DERA: variants seen among roughly 807,000 people sequenced by gnomAD.
DERA encodes the protein 2-deoxy-D-ribose 5-phosphate aldolase.
DERA carries 15 observed loss-of-function variants against 41.1 expected under a neutral mutation model. The observed-to-expected ratio is 0.37, with a 90% CI of 0.24 to 0.56. DERA has a LOEUF of 0.56. Ranked by LOEUF, DERA falls within the 20% of genes least tolerant of loss-of-function variation. The probability of loss-of-function intolerance (pLI) is 0.81; values close to 1 mark genes in which losing one functional copy is unlikely to be tolerated. For synonymous variants in DERA, 139 were observed against 137.4 expected, an observed-to-expected ratio of 1.01 and a Z score of -0.08; for missense variants, 396 against 403.4, an observed-to-expected ratio of 0.98 and a Z score of 0.16.
chr12:15,973,479 A>G (rs573451808), intron 5 of DERA, among the ~76,000 whole-genome samples: 2 of 111,490 alleles, frequency 1.8e-5, no homozygotes, highest in Non-Finnish European at 3.9e-5. Context: ...TCCAGTTTTC[A>G]TAATGTTTGA....
Position 16,008,956 on chromosome 12 carries a change from C to A in DERA, c.638-23586C>A, listed in dbSNP as rs1374742731. Reference sequence around the variant, plus strand: ...CTGATGTAGAGGCAGAAGTGCATAGCAGTTAAAAGCCTGGACTTTGAGTTA... The same window carrying A: ...CTGATGTAGAGGCAGAAGTGCATAGAAGTTAAAAGCCTGGACTTTGAGTTA... On this transcript the variant is annotated intron_variant, in intron 6 of 8. Coordinates refer to ENST00000428559, the MANE Select transcript of DERA (RefSeq NM_015954.4). This position sits in a 1 kb window ranked among gnomAD's most constrained non-coding sequence, Gnocchi z 4.8. 6.6e-6 allele frequency among the ~76,000 whole-genome samples: 1 copy of A among 152,186 alleles called. No individual in the cohort carries two copies. Among genetic ancestry groups the A allele is most frequent in the Non-Finnish European group, 1.5e-5 (1 of 68,040 alleles).
At chr12:15,947,656 T>G (rs1400998150) in intron 1 of DERA, among the ~76,000 whole-genome samples, 1 of 152,236 alleles carries the variant, frequency 6.6e-6, no homozygotes, top group Non-Finnish European at 1.5e-5. Context: ...TCTTGACTCT[T>G]TATCCAATTT....
intron 6 of DERA, among the ~76,000 whole-genome samples, chr12:16,029,625 C>A (rs1278443144): frequency 2.0e-5 from 3 of 151,718 alleles, no homozygotes; most frequent in Non-Finnish European, 4.4e-5. Context: ...TTGAGCTTCT[C>A]CTGTGTGTCG....
At position 16,003,690 on chromosome 12, in the gene DERA, A is replaced by G. The variant is rs184676361; in HGVS notation, c.637+21254A>G. On this transcript the variant is annotated intron_variant, in intron 6 of 8. Coordinates refer to ENST00000428559, the MANE Select transcript of DERA (RefSeq NM_015954.4). This position sits in a 1 kb window ranked among gnomAD's most constrained non-coding sequence, Gnocchi z 4.8. ...TTGCATTTGTTGGGGGAGCGCCAGG[A>G]AACAAGAGTGTCAATTTCTGGCTCA... 9.2e-5 allele frequency among the ~76,000 whole-genome samples: 14 copies of G among 152,272 alleles called. No individual in the cohort carries two copies. The East Asian group carries it at 2.7e-3, about 29-fold the overall frequency.
At position 15,976,317 on chromosome 12, in the gene DERA, A is replaced by G. The variant is rs1343226410; in HGVS notation, c.509-5991A>G. Among the ~76,000 whole-genome samples, 2 of 152,080 alleles carry G rather than the reference A, an allele frequency of 1.3e-5. No individual in the cohort carries two copies. The highest frequency in any genetic ancestry group is 3.9e-4 in the East Asian group (2 of 5,188). ...ACCTGCGGGTTGTCTTCCTGGCTCTACTTGCCAAGTCCTCCCCAACCCCTA... is the reference window on the plus strand; with the variant it reads ...ACCTGCGGGTTGTCTTCCTGGCTCTGCTTGCCAAGTCCTCCCCAACCCCTA... On this transcript the variant is annotated intron_variant, in intron 5 of 8. Coordinates refer to ENST00000428559, the MANE Select transcript of DERA (RefSeq NM_015954.4). The surrounding 1 kb of genome is among the most constrained non-coding windows in gnomAD (Gnocchi z 4.1).
chr12:15,956,721 A>G, intron 1 of DERA: 1 of 619,022 alleles, frequency 1.6e-6, no homozygotes, highest in Non-Finnish European at 3.0e-6. Context: ...TTTGCCTTTG[A>G]AAGTAATGGA....
chr12:16,033,249 A>C (rs1157230266), intron 7 of DERA, among the ~76,000 whole-genome samples: 3 of 152,252 alleles, frequency 2.0e-5, no homozygotes. Context: ...CGAGGAGATG[A>C]ACTTATTAAA....
intron 1 of DERA, among the ~76,000 whole-genome samples, chr12:15,926,439 A>C (rs1206039772): frequency 6.6e-6 from 1 of 152,164 alleles, no homozygotes; most frequent in Non-Finnish European, 1.5e-5. Flanking sequence ...TGCAGTAGGC[A>C]AGAAACAAGA....
Position 16,010,528 on chromosome 12 carries a change from G to A in DERA, c.638-22014G>A, listed in dbSNP as rs1264110085. ...CTTTTGTTGAGGAATCAAGGTCTCCGGTGGTCGCCAAGTGAAAAGGAATAA... is the reference window on the plus strand; with the variant it reads ...CTTTTGTTGAGGAATCAAGGTCTCCAGTGGTCGCCAAGTGAAAAGGAATAA... On this transcript the variant is annotated intron_variant, in intron 6 of 8. Transcript: ENST00000428559. This position sits in a 1 kb window ranked among gnomAD's most constrained non-coding sequence, Gnocchi z 5.5. Among the ~76,000 whole-genome samples, 5 of 150,766 alleles carry A rather than the reference G, an allele frequency of 3.3e-5. No homozygotes were observed. The highest frequency in any genetic ancestry group is 6.6e-5 in the Admixed American group (1 of 15,122).
rs568534059 is a variant in DERA, at chr12:16,014,919, T to C, written c.638-17623T>C. On this transcript the variant is annotated intron_variant, in intron 6 of 8. Transcript: ENST00000428559. The surrounding 1 kb of genome is among the most constrained non-coding windows in gnomAD (Gnocchi z 5.4). ...GAGACATGGAGTCAAAGGAGATCTT[T>C]TTGTAGCTTTAAGATTTGACTGCCC... Among the ~76,000 whole-genome samples, 8 of 152,286 alleles carry C rather than the reference T, an allele frequency of 5.3e-5. No homozygotes were observed. In the South Asian group the frequency reaches 1.7e-3, roughly 32 times the overall value.
chr12:15,926,102 C>T (rs1031309003), intron 1 of DERA, among the ~76,000 whole-genome samples: 6 of 151,344 alleles, frequency 4.0e-5, no homozygotes, highest in Admixed American at 3.9e-4. Context: ...GGATTATAGG[C>T]GTGAGCCACT....
Position 15,993,510 on chromosome 12 carries a change from C to A in DERA, c.637+11074C>A, listed in dbSNP as rs1004440630. On this transcript the variant is annotated intron_variant, in intron 6 of 8. Coordinates refer to ENST00000428559, the MANE Select transcript of DERA (RefSeq NM_015954.4). The surrounding 1 kb of genome is among the most constrained non-coding windows in gnomAD (Gnocchi z 4.4). ...TTTTTTTTTTTAAAAAAAATAAGATCTTGCCTTTCATAGGAAAAAGCATTT... is the reference window on the plus strand; with the variant it reads ...TTTTTTTTTTTAAAAAAAATAAGATATTGCCTTTCATAGGAAAAAGCATTT... Among the ~76,000 whole-genome samples the A allele has an allele frequency of 6.9e-6, 1 of 144,916 alleles. No individual in the cohort carries two copies. The highest frequency in any genetic ancestry group is 1.5e-5 in the Non-Finnish European group (1 of 66,566).
In DERA at chr12:16,001,890, A is replaced by G. The variant is rs185959510; in HGVS notation, c.637+19454A>G. On this transcript the variant is annotated intron_variant, in intron 6 of 8. Coordinates refer to ENST00000428559, the MANE Select transcript of DERA (RefSeq NM_015954.4). This position sits in a 1 kb window ranked among gnomAD's most constrained non-coding sequence, Gnocchi z 4.1. ...GCTTAGAGAGGAAACAAACCCCGGT[A>G]TGGACTTTTCAGACAAAATACTGCT... Among the ~76,000 whole-genome samples the G allele has an allele frequency of 3.0e-4, 45 of 152,318 alleles. No individual in the cohort carries two copies. Among genetic ancestry groups the G allele is most frequent in the African/African-American group, 1.0e-3 (42 of 41,576 alleles).
chr12:15,971,492 T>G, intron 5 of DERA, among the ~76,000 whole-genome samples: 1 of 145,990 alleles, frequency 6.8e-6, no homozygotes. Flanking sequence ...GAAGAGGCCA[T>G]CTTTATATCT....
At chr12:16,030,807 CA>C (rs1949087636) in intron 6 of DERA, among the ~76,000 whole-genome samples, 1 of 152,138 alleles carries the variant, frequency 6.6e-6, no homozygotes, top group African/African-American at 2.4e-5. Context: ...GCTCTATTCC[CA>C]GCAGCTTTAG....
chr12:15,956,898 A>C lies in DERA; in HGVS notation c.32-38A>C, dbSNP rs780659292. On this transcript the variant is annotated intron_variant, in intron 1 of 8. Coordinates refer to ENST00000428559, the MANE Select transcript of DERA (RefSeq NM_015954.4). ...AAAATAGGTGACTATATTTAATGAA[A>C]CTTTAGGTTTCAGAAAGTGTTTTTC... 7 of 1,459,790 alleles carry C rather than the reference A, an allele frequency of 4.8e-6. No individual in the cohort carries two copies. In the African/African-American group the frequency reaches 9.7e-5, roughly 20 times the overall value. 90.4% of individuals were successfully genotyped at this position (1,459,790 alleles called of 1,614,324 possible).
chr12:15,978,135 G>A (rs1302513867), intron 5 of DERA, among the ~76,000 whole-genome samples: 1 of 152,136 alleles, frequency 6.6e-6, no homozygotes, highest in Non-Finnish European at 1.5e-5. Context: ...GAGATTGACT[G>A]GGTTACATTT....
At chr12:15,939,657 A>G (rs1161496869) in intron 1 of DERA, among the ~76,000 whole-genome samples, 2 of 146,320 alleles carry the variant, frequency 1.4e-5, no homozygotes, top group African/African-American at 5.2e-5. Context: ...ACTGATTTTG[A>G]AAAAAAAAAG....
In DERA at chr12:15,924,741, T is replaced by G. The variant is rs74065509; in HGVS notation, c.31+13327T>G. 0.025 allele frequency among the ~76,000 whole-genome samples: 3,772 copies of G among 152,338 alleles called. 173 individuals are homozygous for G. Among genetic ancestry groups the G allele is most frequent in the African/African-American group, 0.086 (3,593 of 41,562 alleles). On this transcript the variant is annotated intron_variant, in intron 1 of 8. Coordinates refer to ENST00000428559, the MANE Select transcript of DERA (RefSeq NM_015954.4). This position sits in a 1 kb window ranked among gnomAD's most constrained non-coding sequence, Gnocchi z 5.0. The stretch of plus-strand genomic sequence containing the variant: ...AATCGATCCTATATTGTGAAAATAC[T>G]TGGCTTTCACCATTTCACCTCCTCC...
Sources: gnomAD v4.1 joint callset for allele counts (sites outside exome capture counted in the v4.1 genomes callset) on GRCh38, gnomAD v4.1.1 for gene constraint, Gnocchi (gnomAD v3.1) non-coding constraint, MANE v1.5 for transcripts, NCBI Gene and HGNC (gene_info 2026-07-23, HGNC 2026-07-21) for gene names.